The following SEPTIN9 variants were observed in gnomAD, a reference collection of about 807,000 sequenced individuals.
The protein encoded by SEPTIN9 is septin-9.
A neutral mutation model predicts 56.6 loss-of-function variants in SEPTIN9; 13 were observed. The ratio of observed to expected loss-of-function variants is 0.23; its 90% CI spans 0.15 to 0.37. The LOEUF (loss-of-function observed/expected upper bound fraction) is 0.37, where lower values mean the gene tolerates loss of function less well. Among genes scored for constraint, SEPTIN9 ranks in the 10% least tolerant of loss-of-function variants. The pLI is 1.00. For synonymous variants in SEPTIN9, 332 were observed against 334.1 expected (o/e 0.99, Z 0.07); for missense variants, 650 against 823.1 (o/e 0.79, Z 2.57).
At chr17:77,390,318 G>A (rs1241793180) in intron 2 of SEPTIN9, among the ~76,000 whole-genome samples, 2 of 124,224 alleles carry the variant, frequency 1.6e-5, no homozygotes, top group African/African-American at 3.3e-5. Context: ...CTGCACCGCA[G>A]CCTGGGCGAC....
Position 77,488,814 on chromosome 17 carries a change from G to A in SEPTIN9, c.1212G>A (p.Pro404=), listed in dbSNP as rs748775517. Residue 404 remains proline, a synonymous_variant, in exon 7 of 12, where the codon CCG becomes CCA. Transcript: ENST00000427177. ...EVNINRKKRI[P]DTRVHCCLYF... ...ACATCAACCGCAAGAAGCGCATCCC[G>A]GACACCCGCGTCCACTGCTGCCTCT... The A allele has an allele frequency of 1.2e-5, 20 of 1,613,596 alleles. No individual in the cohort carries two copies. The Admixed American group carries it at 1.3e-4, about 11-fold the overall frequency.
intron 3 of SEPTIN9, among the ~76,000 whole-genome samples, chr17:77,418,354 T>G (rs2036576089): frequency 6.6e-6 from 1 of 152,138 alleles, no homozygotes; most frequent in South Asian, 2.1e-4. Flanking sequence ...TGCTCTTTTT[T>G]TTTCTTAAGA....
At chr17:77,466,449 G>C in intron 3 of SEPTIN9, 1 of 985,526 alleles carries the variant, frequency 1.0e-6, no homozygotes, top group Non-Finnish European at 1.2e-6. Context: ...GAGCTTCCAG[G>C]TTCCGGCTGC....
chr17:77,408,425 G>T (rs944080343), intron 3 of SEPTIN9, among the ~76,000 whole-genome samples: 2 of 151,830 alleles, frequency 1.3e-5, no homozygotes, highest in Admixed American at 1.3e-4. Flanking sequence ...TGGGTGGAGC[G>T]TTGAGGGAGC....
At chr17:77,408,356 A>AT (rs1401418516) in intron 3 of SEPTIN9, among the ~76,000 whole-genome samples, 6 of 152,132 alleles carry the variant, frequency 3.9e-5, no homozygotes, top group Non-Finnish European at 8.8e-5. Context: ...CGGGGTAGAC[A>AT]TGGCAGCATG....
intron 1 of SEPTIN9, chr17:77,281,772 T>A (rs1598455041): frequency 2.0e-6 from 1 of 509,000 alleles, no homozygotes; most frequent in East Asian, 3.5e-5. Context: ...CTTGCTCGAG[T>A]GTCGGAGGGG....
intron 3 of SEPTIN9, chr17:77,446,640 C>T (rs1445344713): frequency 6.0e-6 from 1 of 166,966 alleles, no homozygotes; most frequent in African/African-American, 2.4e-5. Flanking sequence ...CATGAGCCAT[C>T]ACACCTGGCC....
chr17:77,459,464 C>T (rs766479770), intron 3 of SEPTIN9, among the ~76,000 whole-genome samples: 2 of 152,196 alleles, frequency 1.3e-5, no homozygotes, highest in African/African-American at 2.4e-5. Context: ...GCCATTTCCC[C>T]AGAGCACAGC....
At chr17:77,471,242 C>T (rs1364796408) in intron 3 of SEPTIN9, among the ~76,000 whole-genome samples, 2 of 152,218 alleles carry the variant, frequency 1.3e-5, no homozygotes, top group Non-Finnish European at 2.9e-5. Context: ...GGCTCCTACT[C>T]ATGGCCCAGG....
chr17:77,433,946 G>A lies in SEPTIN9; in HGVS notation c.721+31243G>A, dbSNP rs147149025. On this transcript the variant is annotated intron_variant, in intron 3 of 11. Coordinates refer to ENST00000427177, the MANE Select transcript of SEPTIN9 (RefSeq NM_001113491.2). This position sits in a 1 kb window ranked among gnomAD's most constrained non-coding sequence, Gnocchi z 6.4. ...GGGAGCTTGCTGTGGGGCCTCCCCCGATCGGGGGACTTCCCAGCACAGAGC... is the reference window on the plus strand; with the variant it reads ...GGGAGCTTGCTGTGGGGCCTCCCCCAATCGGGGGACTTCCCAGCACAGAGC... 3.7e-3 allele frequency among the ~76,000 whole-genome samples: 564 copies of A among 152,328 alleles called. 7 individuals carry two copies. The highest frequency in any genetic ancestry group is 0.028 in the South Asian group (134 of 4,832).
At chr17:77,409,763 G>C (rs2036224899) in intron 3 of SEPTIN9, among the ~76,000 whole-genome samples, 1 of 152,238 alleles carries the variant, frequency 6.6e-6, no homozygotes, top group African/African-American at 2.4e-5. Flanking sequence ...ACAATGGCGA[G>C]CCTGTCCGGA....
At chr17:77,331,208 T>A (rs1455345484) in intron 2 of SEPTIN9, among the ~76,000 whole-genome samples, 1 of 151,946 alleles carries the variant, frequency 6.6e-6, no homozygotes, top group Non-Finnish European at 1.5e-5. Context: ...TAAAAAATAA[T>A]AATAATAATA....
intron 3 of SEPTIN9, among the ~76,000 whole-genome samples, chr17:77,431,364 C>G (rs1598363154): frequency 6.6e-6 from 1 of 152,204 alleles, no homozygotes; most frequent in Non-Finnish European, 1.5e-5. Context: ...TTTTAAAAAT[C>G]ACACCTACTT....
intron 3 of SEPTIN9, among the ~76,000 whole-genome samples, chr17:77,406,890 C>T (rs568620096): frequency 1.5e-4 from 23 of 152,114 alleles, no homozygotes; most frequent in African/African-American, 5.3e-4. Flanking sequence ...AGGCTGGTCT[C>T]GAACTCCTGA....
intron 3 of SEPTIN9, among the ~76,000 whole-genome samples, chr17:77,478,491 C>T (rs893244660): frequency 1.3e-5 from 2 of 152,144 alleles, no homozygotes; most frequent in African/African-American, 2.4e-5. Context: ...CGAATGCCCG[C>T]GGTCAAATGA....
chr17:77,500,245 C>G lies in SEPTIN9; in HGVS notation c.*1587C>G. On this transcript the variant is annotated 3_prime_UTR_variant, in exon 12 of 12. Coordinates refer to ENST00000427177, the MANE Select transcript of SEPTIN9 (RefSeq NM_001113491.2). The stretch of plus-strand genomic sequence containing the variant: ...CCCACCCAAGAGAGGAAGGACCCCT[C>G]ACCACCCCCACTGGTGAGACAGTTT... 1 of 232,152 alleles carries G rather than the reference C, an allele frequency of 4.3e-6. No homozygotes were observed. Among genetic ancestry groups the G allele is most frequent in the Middle Eastern group, 1.3e-3 (1 of 774 alleles). 14.4% of individuals were successfully genotyped at this position (232,152 alleles called of 1,614,324 possible).
rs1567991738 is a variant in SEPTIN9 at position 77,320,414 on chromosome 17, C to CATG, written c.76+13217_76+13218insATG. The CATG allele has an allele frequency of 2.8e-6, 4 of 1,411,654 alleles. No homozygotes were observed. In the African/African-American group the frequency reaches 4.2e-5, roughly 15 times the overall value. 87.4% of individuals were successfully genotyped at this position (1,411,654 alleles called of 1,614,324 possible). ...CCCTGGACTCGGGGCTTTATTTATG[C>CATG]CTGGGGGAATAAGCATGCAAAGGGC... On this transcript the variant is annotated intron_variant, in intron 2 of 11. Coordinates refer to ENST00000427177, the MANE Select transcript of SEPTIN9 (RefSeq NM_001113491.2).
rs117413498 is a variant in SEPTIN9, at chr17:77,367,903, T to C, written c.77-34156T>C. 1.2e-3 allele frequency among the ~76,000 whole-genome samples: 180 copies of C among 152,356 alleles called. 2 individuals are homozygous for C. The East Asian group carries it at 0.029, about 24-fold the overall frequency. ...ACAAATATTTGCACACCCATGTTTGTAGCAGCTTTACTCTCAATTGCTCAA... is the reference window on the plus strand; with the variant it reads ...ACAAATATTTGCACACCCATGTTTGCAGCAGCTTTACTCTCAATTGCTCAA... On this transcript the variant is annotated intron_variant, in intron 2 of 11. Transcript: ENST00000427177. The surrounding 1 kb of genome is among the most constrained non-coding windows in gnomAD (Gnocchi z 4.5).
intron 3 of SEPTIN9, chr17:77,466,656 C>T (rs959028153): frequency 1.4e-5 from 13 of 917,630 alleles, no homozygotes; most frequent in Middle Eastern, 5.5e-4. Context: ...CACACAGGGT[C>T]GGGGCAGTGT....
Sources: allele counts gnomAD v4.1 joint callset (sites outside exome capture counted in the v4.1 genomes callset), GRCh38; gene constraint gnomAD v4.1.1; non-coding constraint Gnocchi (gnomAD v3.1); transcripts MANE v1.5; gene names NCBI Gene and HGNC (gene_info 2026-07-23, HGNC 2026-07-21).